Variants in COG5 observed in about 807,000 individuals in gnomAD.
COG5 encodes the protein component of oligomeric golgi complex 5.
In COG5, 86 loss-of-function variants were observed where a neutral mutation model predicts 110.4. The ratio of observed to expected loss-of-function variants is 0.78; its 90% CI spans 0.65 to 0.93. The LOEUF is 0.93. Among genes scored for constraint, COG5 ranks in the 40% least tolerant of loss-of-function variants. The pLI is 0.00. For missense variants in COG5, 1,077 were observed against 987.0 expected (o/e 1.09, Z -1.22); for synonymous variants, 360 against 334.6 (o/e 1.08, Z -0.83).
Position 107,509,555 on chromosome 7 carries a change from A to G in COG5, c.538+17682T>C, listed in dbSNP as rs571958166. ...TTCAGGAAATACAGAGAACGCCACA[A>G]AGATGCTCCTCGAGAAGAGCAACTC... On this transcript the variant is annotated intron_variant, in intron 6 of 21. Coordinates refer to ENST00000297135, the MANE Select transcript of COG5 (RefSeq NM_006348.5). Among the ~76,000 whole-genome samples, 183 of 152,294 alleles carry G rather than the reference A, an allele frequency of 1.2e-3. 2 individuals carry two copies. The highest frequency in any genetic ancestry group is 4.2e-3 in the African/African-American group (174 of 41,558).
At chr7:107,436,740 AAG>A (rs1329834644) in intron 6 of COG5, among the ~76,000 whole-genome samples, 3 of 152,200 alleles carry the variant, frequency 2.0e-5, no homozygotes, top group Non-Finnish European at 2.9e-5. Flanking sequence ...ATTGAATTAA[AAG>A]GGGAATAAAG....
At chr7:107,450,967 T>C (rs1222436501) in intron 6 of COG5, among the ~76,000 whole-genome samples, 2 of 152,138 alleles carry the variant, frequency 1.3e-5, no homozygotes, top group Non-Finnish European at 2.9e-5. Flanking sequence ...ATTCAACATC[T>C]AGATCTGGTG....
At chr7:107,263,429 G>T (rs1226976903) in intron 14 of COG5, among the ~76,000 whole-genome samples, 4 of 152,152 alleles carry the variant, frequency 2.6e-5, no homozygotes, top group African/African-American at 9.7e-5. Flanking sequence ...AAAAGTGGGA[G>T]CAATAAGAGA....
Position 107,348,893 on chromosome 7 carries a change from A to T in COG5, c.1026+13140T>A, listed in dbSNP as rs141443232. ...TTTTTTTTTAAAGAGATAGGGTCTC[A>T]CTTTGTTGCCCAAGCTGGAGTGCTG... On this transcript the variant is annotated intron_variant, in intron 10 of 21. Coordinates refer to ENST00000297135, the MANE Select transcript of COG5 (RefSeq NM_006348.5). Among the ~76,000 whole-genome samples the T allele has an allele frequency of 2.6e-4, 40 of 151,856 alleles. No homozygotes were observed. In the East Asian group the frequency reaches 7.4e-3, roughly 28 times the overall value.
At chr7:107,547,612 C>T (rs768806012) in intron 5 of COG5, among the ~76,000 whole-genome samples, 2 of 152,236 alleles carry the variant, frequency 1.3e-5, no homozygotes, top group Non-Finnish European at 2.9e-5. Flanking sequence ...ATCCTTTAGA[C>T]AGAAAACTAG....
intron 19 of COG5, among the ~76,000 whole-genome samples, chr7:107,219,878 T>C (rs1257507938): frequency 1.3e-5 from 2 of 152,206 alleles, no homozygotes; most frequent in Non-Finnish European, 2.9e-5. Flanking sequence ...ATGTTTTAGT[T>C]TGAATTAATC....
rs889818137 is a variant in COG5 at position 107,312,023 on chromosome 7, A to AT, written c.1108+12416dup. ...CCCTGACATACAGAGTAAACTGGGG[A>AT]TTTTTTTTTTCTGTGAACCCATCCT... On this transcript the variant is annotated intron_variant, in intron 11 of 21. Coordinates refer to ENST00000297135, the MANE Select transcript of COG5 (RefSeq NM_006348.5). 3.2e-3 allele frequency among the ~76,000 whole-genome samples: 484 copies of AT among 149,466 alleles called. 4 individuals are homozygous for AT. Among genetic ancestry groups the AT allele is most frequent in the African/African-American group, 0.011 (467 of 40,836 alleles).
chr7:107,382,263 A>G (rs1815190678), intron 7 of COG5, among the ~76,000 whole-genome samples: 1 of 152,112 alleles, frequency 6.6e-6, no homozygotes, highest in Non-Finnish European at 1.5e-5. Flanking sequence ...AATCACAGGT[A>G]TTTGAGGATA....
rs775883102 is a variant in COG5 at position 107,474,985 on chromosome 7, A to G, written c.538+52252T>C. 2 of 1,612,558 alleles carry G rather than the reference A, an allele frequency of 1.2e-6. No individual in the cohort carries two copies. Among genetic ancestry groups the G allele is most frequent in the Non-Finnish European group, 1.7e-6 (2 of 1,179,240 alleles). ...ACACCGTGAACGACGAGAAAGACAA[A>G]AGAGAGTCTTCAGGATGTCTTTATT... is the stretch of plus-strand genomic sequence containing the variant. On this transcript the variant is annotated intron_variant, in intron 6 of 21. Transcript: ENST00000297135. This position sits in a 1 kb window ranked among gnomAD's most constrained non-coding sequence, Gnocchi z 5.7.
intron 6 of COG5, among the ~76,000 whole-genome samples, chr7:107,505,215 A>G (rs1798906723): frequency 6.6e-6 from 1 of 152,182 alleles, no homozygotes; most frequent in South Asian, 2.1e-4. Context: ...GGAGGTGTCC[A>G]CAGGTAAAAA....
chr7:107,301,811 G>A (rs993382160), intron 11 of COG5, among the ~76,000 whole-genome samples: 3 of 152,104 alleles, frequency 2.0e-5, no homozygotes, highest in Non-Finnish European at 2.9e-5. Context: ...GGAGGTTGCA[G>A]TAAGCCAAGA....
chr7:107,412,502 C>G lies in COG5; in HGVS notation c.669G>C (p.Gln223His). ...TAAAAAACAGTCTTATTTTTATTAC[C>G]TGAGTCTCCAAACCCTGCTCTAGTA... Reference protein sequence around the residue: ...KRLLEQGLETQNPTQVGTALQ... With the variant: ...KRLLEQGLETHNPTQVGTALQ... Residue 223 changes from glutamine to histidine, a missense_variant and splice_region_variant, in exon 7 of 22, where the codon CAG (glutamine) becomes CAC (histidine). Transcript: ENST00000297135. The G allele has an allele frequency of 6.2e-7, 1 of 1,612,220 alleles. No individual in the cohort carries two copies. The highest frequency in any genetic ancestry group is 2.2e-5 in the East Asian group (1 of 44,738).
chr7:107,384,268 T>A (rs181177328), intron 7 of COG5, among the ~76,000 whole-genome samples: 174 of 152,238 alleles, frequency 1.1e-3, no homozygotes, highest in Non-Finnish European at 2.1e-3. Flanking sequence ...TCAGTCTTCA[T>A]CTTTACCCTT....
intron 6 of COG5, among the ~76,000 whole-genome samples, chr7:107,480,494 T>TA (rs1563058737): frequency 6.6e-6 from 1 of 151,826 alleles, no homozygotes; most frequent in Non-Finnish European, 1.5e-5. Flanking sequence ...GATCATATCG[T>TA]AAAAGAGAAA....
At chr7:107,313,674 C>G (rs1562964125) in intron 11 of COG5, among the ~76,000 whole-genome samples, 1 of 152,118 alleles carries the variant, frequency 6.6e-6, no homozygotes, top group Non-Finnish European at 1.5e-5. Context: ...TTACTCCTAC[C>G]TCTGTTTCCA....
chr7:107,539,920 T>C (rs2129167346), intron 5 of COG5, among the ~76,000 whole-genome samples: 1 of 152,104 alleles, frequency 6.6e-6, no homozygotes, highest in East Asian at 1.9e-4. Flanking sequence ...AACAAGAAAA[T>C]GAGCTTAACA....
At position 107,499,513 on chromosome 7, in the gene COG5, C is replaced by G. The variant is rs142036931; in HGVS notation, c.538+27724G>C. On this transcript the variant is annotated intron_variant, in intron 6 of 21. Coordinates refer to ENST00000297135, the MANE Select transcript of COG5 (RefSeq NM_006348.5). ...CTCTGCCTCCCAGGTTCAAGCCATT[C>G]TCCTGCTTCAGCCTCCTGAGAAGCT... Among the ~76,000 whole-genome samples the G allele has an allele frequency of 7.9e-3, 1,201 of 151,594 alleles. 22 individuals are homozygous for G. Among genetic ancestry groups the G allele is most frequent in the African/African-American group, 0.028 (1,143 of 41,320 alleles).
At chr7:107,430,199 T>C (rs1243479277) in intron 6 of COG5, among the ~76,000 whole-genome samples, 1 of 152,220 alleles carries the variant, frequency 6.6e-6, no homozygotes, top group Non-Finnish European at 1.5e-5. Context: ...TTACTCATGT[T>C]TTCTTCTAAC....
chr7:107,275,364 G>A (rs1314811441), intron 14 of COG5, among the ~76,000 whole-genome samples: 1 of 151,316 alleles, frequency 6.6e-6, no homozygotes, highest in Non-Finnish European at 1.5e-5. Context: ...CAGAGAAAGT[G>A]CGTTTGGTCA....
Sources: allele counts gnomAD v4.1 joint callset (sites outside exome capture counted in the v4.1 genomes callset), GRCh38; gene constraint gnomAD v4.1.1; non-coding constraint Gnocchi (gnomAD v3.1); transcripts MANE v1.5; gene names NCBI Gene and HGNC (gene_info 2026-07-23, HGNC 2026-07-21).